PRKACB: variants seen among roughly 807,000 people sequenced by gnomAD.
PRKACB encodes the protein cAMP-dependent protein kinase catalytic subunit beta.
A neutral mutation model predicts 51.4 loss-of-function variants in PRKACB; 16 were observed. The observed-to-expected ratio is 0.31, with a 90% confidence interval of 0.21 to 0.47. The LOEUF (loss-of-function observed/expected upper bound fraction) is 0.47. Ranked by LOEUF, PRKACB falls within the 20% of genes least tolerant of loss-of-function variation. PRKACB has a pLI of 1.00. For synonymous variants in PRKACB, 147 were observed against 154.4 expected (o/e 0.95, Z 0.35); for missense variants, 309 against 464.5 (o/e 0.67, Z 3.08).
At chr1:84,122,913 T>TTTAAA (rs1651210178) in intron 1 of PRKACB, among the ~76,000 whole-genome samples, 1 of 152,192 alleles carries the variant, frequency 6.6e-6, no homozygotes, top group Non-Finnish European at 1.5e-5. Context: ...TTATCTTATA[T>TTTAAA]TGCTAAAATT....
At chr1:84,090,217 A>G (rs1279158195) in intron 1 of PRKACB, among the ~76,000 whole-genome samples, 3 of 152,046 alleles carry the variant, frequency 2.0e-5, no homozygotes, top group Non-Finnish European at 4.4e-5. Flanking sequence ...TATCTCTCTC[A>G]TTCTAAGTCA....
chr1:84,152,029 T>G (rs1236942533), intron 1 of PRKACB, among the ~76,000 whole-genome samples: 2 of 152,224 alleles, frequency 1.3e-5, no homozygotes, highest in Non-Finnish European at 2.9e-5. Context: ...CCTTTAGCCT[T>G]ATAAAATATA....
intron 1 of PRKACB, among the ~76,000 whole-genome samples, chr1:84,168,574 C>T (rs967709652): frequency 6.6e-5 from 10 of 151,332 alleles, no homozygotes; most frequent in African/African-American, 1.7e-4. Context: ...ACTGAAAATA[C>T]TGTGAGAAAA....
chr1:84,127,022 A>T (rs577869762), intron 1 of PRKACB, among the ~76,000 whole-genome samples: 44 of 152,234 alleles, frequency 2.9e-4, no homozygotes, highest in South Asian at 1.5e-3. Context: ...CCTAGTAGTC[A>T]TACTCTTTTT....
At chr1:84,107,297 A>G (rs1387285931) in intron 1 of PRKACB, among the ~76,000 whole-genome samples, 1 of 152,120 alleles carries the variant, frequency 6.6e-6, no homozygotes, top group African/African-American at 2.4e-5. Flanking sequence ...AGAAGACTGA[A>G]ACTGGACCCC....
At chr1:84,203,561 A>G (rs2101458002) in intron 8 of PRKACB, among the ~76,000 whole-genome samples, 1 of 152,112 alleles carries the variant, frequency 6.6e-6, no homozygotes, top group East Asian at 1.9e-4. Flanking sequence ...TGAATTTCCT[A>G]CCATGCAGCA....
chr1:84,192,707 A>G (rs914565153), intron 5 of PRKACB, among the ~76,000 whole-genome samples: 2 of 152,178 alleles, frequency 1.3e-5, no homozygotes, highest in Admixed American at 1.3e-4. Context: ...CAGTTGAGAT[A>G]TGAGTCTTAT....
intron 9 of PRKACB, among the ~76,000 whole-genome samples, chr1:84,214,639 C>A (rs979402016): frequency 6.6e-6 from 1 of 151,844 alleles, no homozygotes; most frequent in African/African-American, 2.4e-5. Context: ...ACTATGGGTG[C>A]ATGCCATCAC....
intron 1 of PRKACB, among the ~76,000 whole-genome samples, chr1:84,112,243 T>TG (rs1454980713): frequency 6.7e-6 from 1 of 149,444 alleles, no homozygotes; most frequent in Non-Finnish European, 1.5e-5. Context: ...TTTTTTTTTT[T>TG]TTTGTTTGAT....
At chr1:84,191,725 G>T (rs1265988947) in intron 5 of PRKACB, among the ~76,000 whole-genome samples, 1 of 151,992 alleles carries the variant, frequency 6.6e-6, no homozygotes, top group Admixed American at 6.6e-5. Context: ...TACCCAGTGG[G>T]TGCTATGCTC....
intron 1 of PRKACB, among the ~76,000 whole-genome samples, chr1:84,134,680 A>C (rs1652611627): frequency 6.6e-6 from 1 of 152,238 alleles, no homozygotes; most frequent in Non-Finnish European, 1.5e-5. Context: ...GACGGGGAAG[A>C]AAGAATAAAG....
Position 84,162,629 on chromosome 1 carries a change from A to G in PRKACB, c.188-16548A>G, listed in dbSNP as rs1235261025. Among the ~76,000 whole-genome samples the G allele has an allele frequency of 4.0e-5, 6 of 151,838 alleles. No homozygotes were observed. The East Asian group carries it at 1.2e-3, about 29-fold the overall frequency. The stretch of plus-strand genomic sequence containing the variant: ...TATACTTTTCAAATCTGCACTTTTT[A>G]TTTTTAAATAGTTTTTCTTTCTATA... On this transcript the variant is annotated intron_variant, in intron 1 of 9. Transcript: ENST00000370685.
intron 1 of PRKACB, among the ~76,000 whole-genome samples, chr1:84,132,890 T>TA (rs1361374347): frequency 2.0e-5 from 3 of 151,962 alleles, no homozygotes. Flanking sequence ...TGGGACATTT[T>TA]AAAAAGGTAT....
chr1:84,132,426 C>T (rs962585629), intron 1 of PRKACB, among the ~76,000 whole-genome samples: 2 of 152,142 alleles, frequency 1.3e-5, no homozygotes, highest in Admixed American at 6.6e-5. Flanking sequence ...AAATCCACAT[C>T]ATATGTTTAC....
chr1:84,081,840 C>G (rs1284036774), intron 1 of PRKACB, among the ~76,000 whole-genome samples: 2 of 152,142 alleles, frequency 1.3e-5, no homozygotes, highest in African/African-American at 4.8e-5. Flanking sequence ...AATGTAGATT[C>G]TTTCATGACT....
intron 1 of PRKACB, among the ~76,000 whole-genome samples, chr1:84,138,961 C>T (rs2100580850): frequency 6.6e-6 from 1 of 152,116 alleles, no homozygotes; most frequent in East Asian, 1.9e-4. Flanking sequence ...ATGCTGAAAA[C>T]ACATTAGGTA....
chr1:84,122,867 T>C (rs1371106347), intron 1 of PRKACB, among the ~76,000 whole-genome samples: 1 of 152,214 alleles, frequency 6.6e-6, no homozygotes, highest in African/African-American at 2.4e-5. Flanking sequence ...TTCTGGTACA[T>C]TACACTTTTA....
intron 8 of PRKACB, among the ~76,000 whole-genome samples, chr1:84,213,027 T>G (rs1214048757): frequency 6.6e-6 from 1 of 152,162 alleles, no homozygotes; most frequent in African/African-American, 2.4e-5. Flanking sequence ...GTACTTGTAG[T>G]GGTAGCACTT....
At chr1:84,214,085 T>C in intron 8 of PRKACB, 68 bp from the exon 9 acceptor site, 1 of 1,435,314 alleles carries the variant, frequency 7.0e-7, no homozygotes, top group Non-Finnish European at 9.2e-7. Context: ...AAAAAAACTT[T>C]ATGAAATCAA....
Sources: allele counts gnomAD v4.1 joint callset (sites outside exome capture counted in the v4.1 genomes callset), GRCh38; gene constraint gnomAD v4.1.1; transcripts MANE v1.5; gene names NCBI Gene and HGNC (gene_info 2026-07-23, HGNC 2026-07-21).